Variants in ARAP2 observed in about 807,000 individuals in gnomAD.
The protein encoded by ARAP2 is arf-GAP with Rho-GAP domain, ANK repeat and PH domain-containing protein 2.
ARAP2 carries 148 observed loss-of-function variants against 194.5 expected under a neutral mutation model. The observed-to-expected ratio is 0.76, with a 90% CI of 0.67 to 0.87. ARAP2 has a LOEUF of 0.87. Among genes scored for constraint, ARAP2 ranks in the 40% least tolerant of loss-of-function variants. The pLI, the probability that ARAP2 is intolerant of heterozygous loss-of-function variation, is 0.00. For missense variants in ARAP2, 2,128 were observed against 1,989.7 expected (o/e 1.07, Z -1.32); for synonymous variants, 695 against 683.5 (o/e 1.02, Z -0.26).
chr4:36,089,623 G>C (rs1397551154), intron 28 of ARAP2, among the ~76,000 whole-genome samples: 1 of 152,022 alleles, frequency 6.6e-6, no homozygotes, highest in Non-Finnish European at 1.5e-5. Flanking sequence ...TAAGATTTTA[G>C]TCATACCAAT....
chr4:36,225,921 C>A (rs943160185), intron 2 of ARAP2, among the ~76,000 whole-genome samples: 3 of 152,060 alleles, frequency 2.0e-5, no homozygotes, highest in Non-Finnish European at 4.4e-5. Context: ...CAAAGAGAAA[C>A]TCACGTTACA....
chr4:36,202,803 A>T (rs1744673111), intron 6 of ARAP2, among the ~76,000 whole-genome samples: 1 of 152,248 alleles, frequency 6.6e-6, no homozygotes, highest in African/African-American at 2.4e-5. Context: ...AAATAAATAA[A>T]AATAAATAAA....
rs536517948 is a variant in ARAP2 at position 36,067,829 on chromosome 4, T to C, written c.*78A>G. The C allele has an allele frequency of 1.6e-5, 23 of 1,461,408 alleles. No individual in the cohort carries two copies. Among genetic ancestry groups the C allele is most frequent in the African/African-American group, 8.5e-5 (6 of 70,512 alleles). The allele number at this position is 1,461,408 out of a possible 1,614,324, so 90.5% of individuals were successfully genotyped here. On this transcript the variant is annotated 3_prime_UTR_variant, in exon 33 of 33. Transcript: ENST00000303965. ...AGGCAAATTCTTATGAATTATCTTA[T>C]AGTTCAGTTTTGGAGTTACACATAA... is the stretch of plus-strand genomic sequence containing the variant.
chr4:36,167,751 T>C (rs1735622502), intron 9 of ARAP2, among the ~76,000 whole-genome samples: 1 of 152,154 alleles, frequency 6.6e-6, no homozygotes, highest in South Asian at 2.1e-4. Context: ...AAATCTATAG[T>C]TACTATGTTC....
Position 36,114,223 on chromosome 4 carries a change from G to C in ARAP2, c.4103C>G (p.Pro1368Arg). 6.2e-7 allele frequency: 1 copy of C among 1,603,340 alleles called. No individual in the cohort carries two copies. The highest frequency in any genetic ancestry group is 8.5e-7 in the Non-Finnish European group (1 of 1,171,916). Reference sequence around the variant, plus strand: ...TGTGGCCCAAATATCACCTTTTGTAGGAATAATATTTTTTATCGCTAATAT... The same window carrying C: ...TGTGGCCCAAATATCACCTTTTGTACGAATAATATTTTTTATCGCTAATAT... ...NDILAIKNIIPTKGDIWATFE... is the reference protein window; with the variant it reads ...NDILAIKNIIRTKGDIWATFE... The change falls in exon 26 of 33, where the codon CCT becomes CGT. Residue 1368 changes from proline to arginine, a missense_variant. Physicochemically the swap from Pro to Arg is moderately radical, Grantham distance 103. Coordinates refer to ENST00000303965, the MANE Select transcript of ARAP2 (RefSeq NM_015230.4).
intron 5 of ARAP2, among the ~76,000 whole-genome samples, chr4:36,024,980 T>C (rs1358625914): frequency 6.6e-6 from 1 of 152,202 alleles, no homozygotes; most frequent in Non-Finnish European, 1.5e-5. Flanking sequence ...AGTGTCATTA[T>C]AGTTTATAAC....
chr4:36,197,532 G>A (rs1303992093), intron 6 of ARAP2, among the ~76,000 whole-genome samples: 4 of 152,216 alleles, frequency 2.6e-5, no homozygotes, highest in Non-Finnish European at 4.4e-5. Flanking sequence ...AGCCTCTGTG[G>A]CTGGTGGCAC....
chr4:36,161,690 C>A, intron 11 of ARAP2, 140 bp from the exon 12 acceptor site: 1 of 515,708 alleles, frequency 1.9e-6, no homozygotes, highest in Non-Finnish European at 3.5e-6. Context: ...CTGCTTTCCT[C>A]AATAACAAGA....
intron 2 of ARAP2, among the ~76,000 whole-genome samples, chr4:36,228,365 T>C (rs932337185): frequency 3.9e-5 from 6 of 152,068 alleles, no homozygotes; most frequent in Non-Finnish European, 4.4e-5. Context: ...CCCGCTTAAA[T>C]AGGGAAAAGC....
intron 27 of ARAP2, among the ~76,000 whole-genome samples, chr4:36,098,619 G>A (rs963974735): frequency 6.6e-6 from 1 of 151,910 alleles, no homozygotes; most frequent in Non-Finnish European, 1.5e-5. Flanking sequence ...TAATATTTAA[G>A]TTCAATTGAT....
At chr4:36,064,577 C>T (rs571254985), downstream of ARAP2, among the ~76,000 whole-genome samples, 26 of 152,322 alleles carry the variant, frequency 1.7e-4, no homozygotes, top group African/African-American at 6.3e-4. Flanking sequence ...GGTCCTGCAG[C>T]TCAGGTGGGC....
chr4:36,182,444 C>T (rs368989057), intron 8 of ARAP2, among the ~76,000 whole-genome samples: 4 of 151,636 alleles, frequency 2.6e-5, no homozygotes, highest in Non-Finnish European at 1.5e-5. Context: ...TGCAGTGAGC[C>T]GAGATTGTGC....
Position 36,229,184 on chromosome 4 carries a change from A to G in ARAP2, c.303T>C (p.Asn101=), listed in dbSNP as rs1318067283. 6.2e-6 allele frequency: 10 copies of G among 1,614,144 alleles called. No homozygotes were observed. The highest frequency in any genetic ancestry group is 8.5e-6 in the Non-Finnish European group (10 of 1,179,996). ...CAGAATTGGAAAGTTCTATGCAGAT[A>G]TTCTGATCAGAAGATGGAACATGGT... The part of the protein sequence containing the change: ...KDYHVPSSDQ[N]ICIELSNSGS... The change falls in exon 2 of 33, where the codon AAT becomes AAC. Residue 101 remains asparagine, a synonymous_variant. Coordinates refer to ENST00000303965, the MANE Select transcript of ARAP2 (RefSeq NM_015230.4).
chr4:36,234,029 T>C (rs1461546319), intron 1 of ARAP2, among the ~76,000 whole-genome samples: 1 of 152,222 alleles, frequency 6.6e-6, no homozygotes, highest in African/African-American at 2.4e-5. Context: ...GCTGCAAATA[T>C]TATAGACTGA....
chr4:36,234,475 G>A (rs11945098), intron 1 of ARAP2, among the ~76,000 whole-genome samples: 9,371 of 152,160 alleles, frequency 0.062, 980 homozygotes, highest in African/African-American at 0.21. Flanking sequence ...TCGGGAGCGG[G>A]GGGTGGGGGA....
At chr4:36,231,364 A>T (rs191364131) in intron 1 of ARAP2, among the ~76,000 whole-genome samples, 54 of 150,430 alleles carry the variant, frequency 3.6e-4, no homozygotes, top group East Asian at 2.5e-3. Context: ...AATAAATAAA[A>T]AATTTTAAAA....
chr4:36,114,311 C>A (rs1473548400), intron 25 of ARAP2, 24 bp from the exon 26 acceptor site: 4 of 1,458,960 alleles, frequency 2.7e-6, no homozygotes, highest in Middle Eastern at 1.8e-4. Context: ...AATATTTTTT[C>A]AAAAAACGTG....
At chr4:36,102,478 T>C (rs1295649115) in intron 27 of ARAP2, among the ~76,000 whole-genome samples, 1 of 152,038 alleles carries the variant, frequency 6.6e-6, no homozygotes, top group African/African-American at 2.4e-5. Context: ...ATTTTTAAAG[T>C]TTATTCAATA....
chr4:36,194,481 C>T (rs575055940), intron 6 of ARAP2, among the ~76,000 whole-genome samples: 14 of 152,066 alleles, frequency 9.2e-5, no homozygotes, highest in Non-Finnish European at 1.8e-4. Context: ...AATATTATTT[C>T]TAAACAAATA....
Sources: gnomAD v4.1 joint callset for allele counts (sites outside exome capture counted in the v4.1 genomes callset) on GRCh38, gnomAD v4.1.1 for gene constraint, MANE v1.5 for transcripts, NCBI Gene and HGNC (gene_info 2026-07-23, HGNC 2026-07-21) for gene names.